CACNB4: variants seen among roughly 807,000 people sequenced by gnomAD.
CACNB4 encodes voltage-dependent L-type calcium channel subunit beta-4.
Under a neutral mutation model 71.2 loss-of-function variants are expected in CACNB4, and 32 were observed. The ratio of observed to expected loss-of-function variants is 0.45; its 90% CI spans 0.34 to 0.60. The LOEUF is 0.60. Ranked by LOEUF, CACNB4 falls within the 20% of genes least tolerant of loss-of-function variation. CACNB4 has a pLI of 0.01. For missense variants in CACNB4, 464 were observed against 647.9 expected (o/e 0.72, Z 3.08); for synonymous variants, 231 against 236.9 (o/e 0.97, Z 0.23).
rs1451609657 is a variant in CACNB4 at position 152,004,509 on chromosome 2, G to A, written c.147+93821C>T. ...TTATTCAAAACTGGAAACAACCCCC[G>A]TGTCCCCCCTACTTTACATACATAC... On this transcript the variant is annotated intron_variant, in intron 2 of 13. Coordinates refer to ENST00000539935, the MANE Select transcript of CACNB4 (RefSeq NM_000726.5). 3.4e-5 allele frequency among the ~76,000 whole-genome samples: 5 copies of A among 147,232 alleles called. 1 individual carries two copies. Among genetic ancestry groups the A allele is most frequent in the Admixed American group, 7.0e-5 (1 of 14,304 alleles).
intron 2 of CACNB4, among the ~76,000 whole-genome samples, chr2:151,915,524 G>A (rs2099857242): frequency 6.6e-6 from 1 of 152,212 alleles, no homozygotes; most frequent in South Asian, 2.1e-4. Context: ...GTAGGCTTAA[G>A]CTGACTCCAG....
chr2:152,038,700 T>G (rs913109704), intron 2 of CACNB4, among the ~76,000 whole-genome samples: 4 of 152,232 alleles, frequency 2.6e-5, no homozygotes, highest in Admixed American at 2.6e-4. Context: ...TCAGCCATTT[T>G]CAAAGACTCA....
In CACNB4 at chr2:151,965,318, T is replaced by A. The variant is rs553153940; in HGVS notation, c.148-81948A>T. 4.6e-5 allele frequency among the ~76,000 whole-genome samples: 7 copies of A among 152,346 alleles called. 1 individual carries two copies. Among genetic ancestry groups the A allele is most frequent in the African/African-American group, 1.4e-4 (6 of 41,574 alleles). On this transcript the variant is annotated intron_variant, in intron 2 of 13. Coordinates refer to ENST00000539935, the MANE Select transcript of CACNB4 (RefSeq NM_000726.5). ...TGGGCTCAAGTCAGGACTGACTTTT[T>A]CTCTCTCATCTTTGCATCCTTTCAC...
chr2:151,915,342 T>C (rs1327325283), intron 2 of CACNB4, among the ~76,000 whole-genome samples: 1 of 152,170 alleles, frequency 6.6e-6, no homozygotes, highest in Non-Finnish European at 1.5e-5. Flanking sequence ...AGGGAAAAAG[T>C]ACAGCCTGGA....
intron 2 of CACNB4, among the ~76,000 whole-genome samples, chr2:152,023,176 AG>A (rs1415036732): frequency 9.9e-5 from 15 of 151,968 alleles, no homozygotes; most frequent in Non-Finnish European, 1.8e-4. Context: ...AAAGGGTAAG[AG>A]CCCCTTATAA....
chr2:152,040,528 G>GC lies in CACNB4; in HGVS notation c.147+57801dup, dbSNP rs377637381. Among the ~76,000 whole-genome samples, 369 of 152,138 alleles carry GC rather than the reference G, an allele frequency of 2.4e-3. 1 individual carries two copies. The highest frequency in any genetic ancestry group is 8.6e-3 in the African/African-American group (356 of 41,520). Reference sequence around the variant, plus strand: ...ACATTCTCGGCTCACTGCAACCTCCGCCCCCTGGGTTCAAGTGATTCTACT... The same window carrying GC: ...ACATTCTCGGCTCACTGCAACCTCCGCCCCCCTGGGTTCAAGTGATTCTACT... On this transcript the variant is annotated intron_variant, in intron 2 of 13. Coordinates refer to ENST00000539935, the MANE Select transcript of CACNB4 (RefSeq NM_000726.5).
chr2:151,926,243 C>G (rs1265850660), intron 2 of CACNB4, among the ~76,000 whole-genome samples: 1 of 151,966 alleles, frequency 6.6e-6, no homozygotes, highest in East Asian at 1.9e-4. Flanking sequence ...GCCAAAAAAG[C>G]CAGAGGAAAA....
rs35453162 is a variant in CACNB4, at chr2:152,065,387, G to GA, written c.147+32942dup. Among the ~76,000 whole-genome samples the GA allele has an allele frequency of 4.9e-3, 638 of 129,726 alleles. 4 individuals are homozygous for GA. The highest frequency in any genetic ancestry group is 0.016 in the African/African-American group (506 of 31,340). The allele number at this position is 129,726 out of a possible 152,430, so 85.1% of individuals were successfully genotyped here. On this transcript the variant is annotated intron_variant, in intron 2 of 13. Transcript: ENST00000539935. ...GGCAGAGCAAGACTCCATCTCAAAA[G>GA]AAAAAAAAAAAAAAGAGAGAGAGAG...
intron 4 of CACNB4, among the ~76,000 whole-genome samples, chr2:151,878,359 T>C (rs535415021): frequency 4.7e-4 from 71 of 152,248 alleles, no homozygotes; most frequent in African/African-American, 1.6e-3. Flanking sequence ...TGGCCTTTGT[T>C]ATGCACACAG....
At chr2:152,040,728 AC>A (rs1465329500) in intron 2 of CACNB4, among the ~76,000 whole-genome samples, 1 of 152,256 alleles carries the variant, frequency 6.6e-6, no homozygotes, top group African/African-American at 2.4e-5. Flanking sequence ...GGCGTGAGCC[AC>A]CGTTTCCAGC....
chr2:151,840,249 C>T (rs927360920), intron 13 of CACNB4, among the ~76,000 whole-genome samples: 6 of 152,306 alleles, frequency 3.9e-5, no homozygotes, highest in Admixed American at 1.3e-4. Flanking sequence ...GAAGGAAATT[C>T]ATTTGACAGG....
At chr2:151,950,653 T>C (rs1402305190) in intron 2 of CACNB4, among the ~76,000 whole-genome samples, 2 of 152,224 alleles carry the variant, frequency 1.3e-5, no homozygotes, top group Non-Finnish European at 2.9e-5. Context: ...GAAGTACTAA[T>C]ACATACTCTG....
chr2:151,835,076 C>G lies in CACNB4; in HGVS notation c.*4043G>C, dbSNP rs2099834618. The G allele has an allele frequency of 6.6e-6, 1 of 151,874 alleles. No homozygotes were observed. The highest frequency in any genetic ancestry group is 1.5e-5 in the Non-Finnish European group (1 of 67,808). 9.4% of individuals were successfully genotyped at this position (151,874 alleles called of 1,614,324 possible). A position where few individuals can be genotyped will look rare whatever the true frequency, so the allele number is the denominator to read the frequency against. ...TGGCTAAGTCATGCTCTGTGGAAGT[C>G]AAGGACCAACAAAATGTGAATTTGC... On this transcript the variant is annotated 3_prime_UTR_variant, in exon 14 of 14. Coordinates refer to ENST00000539935, the MANE Select transcript of CACNB4 (RefSeq NM_000726.5).
At chr2:151,853,296 A>AT in intron 12 of CACNB4, 152 bp downstream of exon 12, 1 of 555,238 alleles carries the variant, frequency 1.8e-6, no homozygotes, top group Non-Finnish European at 3.1e-6. Flanking sequence ...TACAAGCAAC[A>AT]TAACAGCAGC....
intron 2 of CACNB4, among the ~76,000 whole-genome samples, chr2:151,974,999 T>C (rs2151740266): frequency 6.6e-6 from 1 of 152,300 alleles, no homozygotes; most frequent in Non-Finnish European, 1.5e-5. Flanking sequence ...AAGTCCCCTG[T>C]ATCAGCTTTG....
At chr2:151,925,886 T>C (rs1371968536) in intron 2 of CACNB4, among the ~76,000 whole-genome samples, 1 of 152,054 alleles carries the variant, frequency 6.6e-6, no homozygotes, top group African/African-American at 2.4e-5. Context: ...TCCAAGGTGT[T>C]TGACCCAAGC....
intron 2 of CACNB4, among the ~76,000 whole-genome samples, chr2:152,012,151 G>A (rs1453483906): frequency 6.6e-6 from 1 of 151,574 alleles, no homozygotes; most frequent in Non-Finnish European, 1.5e-5. Context: ...TCCTTCTGGA[G>A]GTATCCCAGA....
chr2:151,887,898 C>A (rs1251194073), intron 2 of CACNB4, among the ~76,000 whole-genome samples: 1 of 152,086 alleles, frequency 6.6e-6, no homozygotes, highest in African/African-American at 2.4e-5. Flanking sequence ...GCAGCTTTTT[C>A]ACATTAAATT....
chr2:151,867,998 C>A (rs1434530676), intron 9 of CACNB4: 7 of 152,150 alleles, frequency 4.6e-5, no homozygotes, highest in Non-Finnish European at 4.4e-5. Flanking sequence ...TACTAATGTA[C>A]CTAGAAGCAT....
Sources: allele counts gnomAD v4.1 joint callset (sites outside exome capture counted in the v4.1 genomes callset), GRCh38; gene constraint gnomAD v4.1.1; transcripts MANE v1.5; gene names NCBI Gene and HGNC (gene_info 2026-07-23, HGNC 2026-07-21).